Variants in ITGA6 observed in about 807,000 individuals in gnomAD.
ITGA6 encodes integrin subunit alpha 6.
In ITGA6, 63 loss-of-function variants were observed where a neutral mutation model predicts 133.6. The observed-to-expected ratio is 0.47, with a 90% CI of 0.38 to 0.58. The LOEUF is 0.58. ITGA6 is among the 20% of genes least tolerant of loss of function. The pLI, the probability that ITGA6 is intolerant of heterozygous loss-of-function variation, is 0.00. For missense variants in ITGA6, 1,068 were observed against 1,309.4 expected (o/e 0.82, Z 2.85); for synonymous variants, 434 against 482.0 (o/e 0.90, Z 1.30).
Position 172,469,316 on chromosome 2 carries a change from A to G in ITGA6, c.579A>G (p.Ala193=). 2 of 1,614,132 alleles carry G rather than the reference A, an allele frequency of 1.2e-6. No homozygotes were observed. The highest frequency in any genetic ancestry group is 8.5e-7 in the Non-Finnish European group (1 of 1,179,980). ...TTGGCTCTTGCCAGCAAGGTGTAGC[A>G]GCTACTTTTACTAAAGACTTTCATT... ...EKFGSCQQGV[A]ATFTKDFHYI... The change falls in exon 4 of 26, where the codon GCA becomes GCG. Residue 193 remains alanine, a synonymous_variant. Coordinates refer to ENST00000684293, the MANE Select transcript of ITGA6 (RefSeq NM_000210.4).
At chr2:172,477,500 A>G (rs1005486286) in intron 9 of ITGA6, among the ~76,000 whole-genome samples, 50 of 152,232 alleles carry the variant, frequency 3.3e-4, no homozygotes, top group Non-Finnish European at 8.8e-5. Flanking sequence ...TCAAAAGGCT[A>G]CACTGTAACT....
intron 1 of ITGA6, among the ~76,000 whole-genome samples, chr2:172,437,146 T>A (rs1162807310): frequency 5.3e-5 from 8 of 152,222 alleles, no homozygotes; most frequent in African/African-American, 1.7e-4. Flanking sequence ...GATCATCGAA[T>A]GACTGGCTTT....
chr2:172,474,500 C>T (rs1686079617), intron 6 of ITGA6, among the ~76,000 whole-genome samples: 1 of 147,914 alleles, frequency 6.8e-6, no homozygotes, highest in Non-Finnish European at 1.5e-5. Flanking sequence ...ATGTTGGGAT[C>T]ATGAGTCTAT....
At chr2:172,462,273 C>G (rs1685457950) in intron 1 of ITGA6, among the ~76,000 whole-genome samples, 1 of 152,190 alleles carries the variant, frequency 6.6e-6, no homozygotes, top group African/African-American at 2.4e-5. Flanking sequence ...AGGGGATTTG[C>G]AAGGGGCGGT....
chr2:172,472,780 T>G (rs1452599782), intron 5 of ITGA6: 2 of 1,608,002 alleles, frequency 1.2e-6, no homozygotes, highest in Non-Finnish European at 1.7e-6. Context: ...ACAGGCCTGC[T>G]GTTTTTGACC....
chr2:172,427,831 G>GGGCTCCTGTCCCGGCTCGGCGC lies in ITGA6; in HGVS notation c.44_65dup (p.Phe24ProfsTer84). Reference sequence around the variant, plus strand: ...GCTGTGCTTGCTCTACCTGTCGGCGGGGCTCCTGTCCCGGCTCGGCGCAGC... The same window carrying GGGCTCCTGTCCCGGCTCGGCGC: ...GCTGTGCTTGCTCTACCTGTCGGCGGGGCTCCTGTCCCGGCTCGGCGCGGCTCCTGTCCCGGCTCGGCGCAGC... On this transcript the variant is annotated frameshift_variant, in exon 1 of 26. Coordinates refer to ENST00000684293, the MANE Select transcript of ITGA6 (RefSeq NM_000210.4). LOFTEE classifies it high-confidence loss of function. The GGGCTCCTGTCCCGGCTCGGCGC allele has an allele frequency of 3.7e-6, 6 of 1,603,440 alleles. No individual in the cohort carries two copies. The highest frequency in any genetic ancestry group is 4.3e-6 in the Non-Finnish European group (5 of 1,175,836).
At chr2:172,446,992 G>C (rs1684793613) in intron 1 of ITGA6, among the ~76,000 whole-genome samples, 1 of 151,968 alleles carries the variant, frequency 6.6e-6, no homozygotes, top group South Asian at 2.1e-4. Flanking sequence ...CCACCACCCA[G>C]GTCCAAGCGA....
rs773159811 is a variant in ITGA6, at chr2:172,479,645, C to T, written c.1393C>T (p.Arg465Trp). The part of the protein sequence containing the change: ...LSDSVTIFRS[R>W]PVINIQKTIT... ...TTTCACTCCTTTTGTCTTCAGATCCCGGCCTGTGATTAATATTCAGAAAAC... is the reference window on the plus strand; with the variant it reads ...TTTCACTCCTTTTGTCTTCAGATCCTGGCCTGTGATTAATATTCAGAAAAC... Residue 465 changes from arginine to tryptophan, a missense_variant, in exon 10 of 26, where the codon CGG (arginine) becomes TGG (tryptophan). Arg to Trp is a moderately radical substitution (Grantham distance 101). Around this residue, in one of 3 missense-constraint regions of ITGA6, gnomAD observed 317 missense variants for 456.9 expected, o/e 0.69. Transcript: ENST00000684293. 5.0e-6 allele frequency: 8 copies of T among 1,613,600 alleles called. No individual in the cohort carries two copies. The highest frequency in any genetic ancestry group is 1.1e-5 in the South Asian group (1 of 91,052).
chr2:172,504,059 T>C lies in ITGA6; in HGVS notation c.*23-32T>C, dbSNP rs1430687562. On this transcript the variant is annotated intron_variant, in intron 25 of 25. Coordinates refer to ENST00000684293, the MANE Select transcript of ITGA6 (RefSeq NM_000210.4). ...TGTATTTGCTTCTTTGTGAGATTAA[T>C]TTGTTTCTCTTTCTCTTTCCCTCTT... The C allele has an allele frequency of 2.6e-6, 4 of 1,526,752 alleles. No homozygotes were observed. The Admixed American group carries it at 6.4e-5, about 24-fold the overall frequency. The allele number at this position is 1,526,752 out of a possible 1,614,324, so 94.6% of individuals were successfully genotyped here. A position where few individuals can be genotyped will look rare whatever the true frequency, so the allele number is the denominator to read the frequency against.
chr2:172,460,339 C>T (rs1223870195), intron 1 of ITGA6, among the ~76,000 whole-genome samples: 1 of 152,186 alleles, frequency 6.6e-6, no homozygotes, highest in Non-Finnish European at 1.5e-5. Context: ...TCCAAATGCT[C>T]ATAGCTTTGT....
intron 7 of ITGA6, 76 bp downstream of exon 7, chr2:172,475,198 T>A (rs56143433): frequency 4.6e-5 from 48 of 1,034,454 alleles, no homozygotes; most frequent in Non-Finnish European, 7.2e-5. Context: ...CTGGGCACAG[T>A]GGCTCACGCC....
chr2:172,460,524 A>G (rs1281370442), intron 1 of ITGA6, among the ~76,000 whole-genome samples: 1 of 152,240 alleles, frequency 6.6e-6, no homozygotes, highest in Admixed American at 6.5e-5. Context: ...TATTGCCTAA[A>G]GCTGATAAAT....
rs1470756853 is a variant in ITGA6, at chr2:172,476,522, T to C, written c.1388+9T>C. On this transcript the variant is annotated intron_variant, in intron 9 of 25. Coordinates refer to ENST00000684293, the MANE Select transcript of ITGA6 (RefSeq NM_000210.4). ...TCAGTAACTATTTTCAGGTCTGTTA[T>C]CTATGATTTTAGTGTTAAGCATGTT... is the stretch of plus-strand genomic sequence containing the variant. 2.8e-6 allele frequency: 4 copies of C among 1,451,414 alleles called. No individual in the cohort carries two copies. Among genetic ancestry groups the C allele is most frequent in the South Asian group, 1.1e-5 (1 of 87,784 alleles). The allele number at this position is 1,451,414 out of a possible 1,614,324, so 89.9% of individuals were successfully genotyped here. A position where few individuals can be genotyped will look rare whatever the true frequency, so the allele number is the denominator to read the frequency against.
intron 5 of ITGA6, among the ~76,000 whole-genome samples, chr2:172,473,591 G>A (rs1197931911): frequency 1.3e-5 from 2 of 152,096 alleles, no homozygotes; most frequent in Non-Finnish European, 2.9e-5. Context: ...TTTTATTCCT[G>A]TAAAAATACT....
At chr2:172,448,437 C>T (rs998183412) in intron 1 of ITGA6, among the ~76,000 whole-genome samples, 2 of 152,076 alleles carry the variant, frequency 1.3e-5, no homozygotes, top group African/African-American at 4.8e-5. Flanking sequence ...CTTGTCTTCT[C>T]AATTTGTGTC....
chr2:172,485,285 T>C, intron 13 of ITGA6, 21 bp downstream of exon 13: 1 of 1,613,086 alleles, frequency 6.2e-7, no homozygotes, highest in Non-Finnish European at 8.5e-7. Flanking sequence ...CTGACTTTCA[T>C]TTTGCCAAAG....
chr2:172,491,359 T>A lies in ITGA6; in HGVS notation c.2889+28T>A. Reference sequence around the variant, plus strand: ...ATGACCTTGGCTTGAGGCTGTCCCATGGAAGTAATTTGCCTTTGCCTAGGA... The same window carrying A: ...ATGACCTTGGCTTGAGGCTGTCCCAAGGAAGTAATTTGCCTTTGCCTAGGA... On this transcript the variant is annotated intron_variant, in intron 22 of 25. Coordinates refer to ENST00000684293, the MANE Select transcript of ITGA6 (RefSeq NM_000210.4). This position sits in a 1 kb window ranked among gnomAD's most constrained non-coding sequence, Gnocchi z 4.4. The A allele has an allele frequency of 6.4e-7, 1 of 1,571,916 alleles. No homozygotes were observed.
chr2:172,435,648 C>G (rs1684290521), intron 1 of ITGA6, among the ~76,000 whole-genome samples: 1 of 106,988 alleles, frequency 9.3e-6, no homozygotes, highest in Non-Finnish European at 1.7e-5. Context: ...TTTGTTGAGA[C>G]AGAGTCTCAC....
At chr2:172,445,346 T>C (rs1684715924) in intron 1 of ITGA6, among the ~76,000 whole-genome samples, 1 of 149,252 alleles carries the variant, frequency 6.7e-6, no homozygotes, top group African/African-American at 2.5e-5. Flanking sequence ...TTCTTTTTTT[T>C]TTTTTAACAA....
Sources: gnomAD v4.1 joint callset for allele counts (sites outside exome capture counted in the v4.1 genomes callset) on GRCh38, gnomAD v4.1.1 for gene constraint, gnomAD v4.1.1 regional missense constraint, Gnocchi (gnomAD v3.1) non-coding constraint, MANE v1.5 for transcripts, NCBI Gene and HGNC (gene_info 2026-07-23, HGNC 2026-07-21) for gene names.